TUBD1: variants seen among roughly 807,000 people sequenced by gnomAD.
The protein encoded by TUBD1 is tubulin delta chain.
A neutral mutation model predicts 51.2 loss-of-function variants in TUBD1; 38 were observed. The observed-to-expected ratio is 0.74, with a 90% CI of 0.57 to 0.97. The LOEUF (loss-of-function observed/expected upper bound fraction) is 0.97, where lower values mean the gene tolerates loss of function less well. TUBD1 is among the 50% of genes least tolerant of loss of function. The pLI, the probability that TUBD1 is intolerant of heterozygous loss-of-function variation, is 0.00. For missense variants in TUBD1, 489 were observed against 538.4 expected, an observed-to-expected ratio of 0.91 and a Z score of 0.91; for synonymous variants, 169 against 178.2, an observed-to-expected ratio of 0.95 and a Z score of 0.41.
intron 6 of TUBD1, among the ~76,000 whole-genome samples, chr17:59,869,821 T>G (rs1049890735): frequency 1.3e-5 from 2 of 152,158 alleles, no homozygotes; most frequent in Non-Finnish European, 2.9e-5. Context: ...TATATGCTAT[T>G]AATACCTAGT....
rs543603991 is a variant in TUBD1, at chr17:59,875,685, G to A, written c.770-982C>T. ...TGAGGCGGGAGAATCGCTTGAACCC[G>A]GCAGACAGAGGTTGCAGTGCATCGC... is the stretch of plus-strand genomic sequence containing the variant. On this transcript the variant is annotated intron_variant, in intron 5 of 8. Transcript: ENST00000325752. Among the ~76,000 whole-genome samples, 8 of 151,654 alleles carry A rather than the reference G, an allele frequency of 5.3e-5. No homozygotes were observed. In the South Asian group the frequency reaches 6.3e-4, roughly 12 times the overall value.
At position 59,886,249 on chromosome 17, in the gene TUBD1, C is replaced by T; in HGVS notation, c.173-19G>A. On this transcript the variant is annotated intron_variant, in intron 2 of 8. Coordinates refer to ENST00000325752, the MANE Select transcript of TUBD1 (RefSeq NM_016261.4). Reference sequence around the variant, plus strand: ...ATTGGAACTAGAGGGGGAAAAAAACCCAAAAACATCGAAAGAAAAAAAGAT... The same window carrying T: ...ATTGGAACTAGAGGGGGAAAAAAACTCAAAAACATCGAAAGAAAAAAAGAT... The T allele has an allele frequency of 6.3e-7, 1 of 1,593,052 alleles. No homozygotes were observed. Among genetic ancestry groups the T allele is most frequent in the Non-Finnish European group, 8.5e-7 (1 of 1,171,864 alleles).
chr17:59,862,935 AG>A (rs1323011611), intron 8 of TUBD1, among the ~76,000 whole-genome samples: 8 of 152,036 alleles, frequency 5.3e-5, no homozygotes, highest in South Asian at 4.2e-4. Context: ...CGTGTTAGCC[AG>A]GATGGTCTTG....
chr17:59,891,483 A>T (rs754238774), intron 1 of TUBD1, among the ~76,000 whole-genome samples: 2 of 152,164 alleles, frequency 1.3e-5, no homozygotes, highest in African/African-American at 2.4e-5. Context: ...TTGGAGATAG[A>T]ACAGCTGTGT....
At chr17:59,884,136 C>T (rs1365613415) in intron 3 of TUBD1, among the ~76,000 whole-genome samples, 3 of 151,874 alleles carry the variant, frequency 2.0e-5, no homozygotes, top group Non-Finnish European at 2.9e-5. Context: ...TGGCATGTGC[C>T]TGTAGTCCTA....
In TUBD1 at chr17:59,860,357, A is replaced by G; in HGVS notation, c.1327T>C (p.Leu443=). ...CAGTAACTGGCAACAACCTGCTCTA[A>G]TGACGTGAAACTGTCTAAAAAGTCC... is the stretch of plus-strand genomic sequence containing the variant. The part of the protein sequence containing the change: ...EEDFLDSFTS[L]EQVVASYCNL Residue 443 remains leucine (L), a synonymous_variant, in exon 9 of 9, where the codon TTA becomes CTA. Coordinates refer to ENST00000325752, the MANE Select transcript of TUBD1 (RefSeq NM_016261.4). 6.2e-7 allele frequency: 1 copy of G among 1,613,366 alleles called. No individual in the cohort carries two copies. The highest frequency in any genetic ancestry group is 8.5e-7 in the Non-Finnish European group (1 of 1,179,622).
intron 7 of TUBD1, among the ~76,000 whole-genome samples, chr17:59,864,157 A>AT (rs1055683155): frequency 0.01 from 1,462 of 145,142 alleles, 23 homozygotes; most frequent in African/African-American, 0.03. Context: ...ATTATTACTA[A>AT]TTTTTTTTTT....
At chr17:59,891,365 G>A (rs2041016744) in intron 1 of TUBD1, among the ~76,000 whole-genome samples, 1 of 99,184 alleles carries the variant, frequency 1.0e-5, no homozygotes, top group East Asian at 2.9e-4. Flanking sequence ...TCTTGACCTC[G>A]TGATCCACCT....
In TUBD1 at chr17:59,874,611, T is replaced by C. The variant is rs1010893890; in HGVS notation, c.862A>G (p.Thr288Ala). 10 of 1,613,598 alleles carry C rather than the reference T, an allele frequency of 6.2e-6. No individual in the cohort carries two copies. The highest frequency in any genetic ancestry group is 1.7e-5 in the Admixed American group (1 of 59,890). ...AGGAGGCCAGCCCAAGTAAATGTGG[T>C]GTATGCCAATGAATTCTCAGACATG... The part of the protein sequence containing the change: ...PHMSENSLAY[T>A]TFTWAGLLKH... The change falls in exon 6 of 9, where the codon ACC (threonine) becomes GCC (alanine). Residue 288 changes from threonine to alanine, a missense_variant. Thr to Ala is a moderately conservative substitution (Grantham distance 58). Coordinates refer to ENST00000325752, the MANE Select transcript of TUBD1 (RefSeq NM_016261.4).
chr17:59,874,567 C>T lies in TUBD1; in HGVS notation c.906G>A (p.Met302Ile), dbSNP rs140625497. Residue 302 changes from methionine (M) to isoleucine (I), a missense_variant, in exon 6 of 9, where the codon ATG becomes ATA. Coordinates refer to ENST00000325752, the MANE Select transcript of TUBD1 (RefSeq NM_016261.4). ...WAGLLKHLRQMLISNAKMEEG... is the reference protein window; with the variant it reads ...WAGLLKHLRQILISNAKMEEG... ...CTTCCATCTTTGCATTAGAAATGAG[C>T]ATCTGTCTCAAATGCTTGAGGAGGC... The T allele has an allele frequency of 8.1e-6, 13 of 1,611,780 alleles. No homozygotes were observed. In the African/African-American group the frequency reaches 1.1e-4, roughly 13 times the overall value.
chr17:59,877,981 A>G (rs1177677323), intron 5 of TUBD1, 122 bp downstream of exon 5: 2 of 752,688 alleles, frequency 2.7e-6, no homozygotes, highest in African/African-American at 3.5e-5. Flanking sequence ...ATGTGAAGAA[A>G]GGGTTTTGAG....
intron 4 of TUBD1, among the ~76,000 whole-genome samples, chr17:59,880,028 C>T (rs2040410615): frequency 6.6e-6 from 1 of 152,026 alleles, no homozygotes; most frequent in Non-Finnish European, 1.5e-5. Context: ...GCTGGGATTA[C>T]AGGTGTGAGC....
At chr17:59,891,216 C>T (rs774278538) in intron 1 of TUBD1, among the ~76,000 whole-genome samples, 175 bp from the exon 2 acceptor site, 10 of 152,098 alleles carry the variant, frequency 6.6e-5, no homozygotes, top group African/African-American at 1.4e-4. Flanking sequence ...ATGCAACCTC[C>T]GCCTCCCAGG....
chr17:59,880,805 C>T (rs2040450819), intron 4 of TUBD1, 89 bp downstream of exon 4: 1 of 1,291,566 alleles, frequency 7.7e-7, no homozygotes, highest in African/African-American at 1.5e-5. Flanking sequence ...TAAGCCACCG[C>T]ACCTGGGTGG....
intron 7 of TUBD1, 76 bp from the exon 8 acceptor site, chr17:59,863,923 C>A: frequency 1.7e-6 from 2 of 1,210,616 alleles, no homozygotes; most frequent in Non-Finnish European, 2.2e-6. Context: ...CAGATATTTT[C>A]TTGTCTATTT....
intron 8 of TUBD1, among the ~76,000 whole-genome samples, chr17:59,862,963 TG>T (rs2039531095): frequency 6.6e-6 from 1 of 151,956 alleles, no homozygotes; most frequent in African/African-American, 2.4e-5. Context: ...TGACCTCAGC[TG>T]ATCTGCTCGC....
chr17:59,880,817 G>C, intron 4 of TUBD1, 77 bp downstream of exon 4: 1 of 1,405,360 alleles, frequency 7.1e-7, no homozygotes, highest in Non-Finnish European at 1.0e-6. Context: ...CCTGGGTGGT[G>C]AGAGCAATCT....
chr17:59,862,786 G>A (rs930202415), intron 8 of TUBD1, among the ~76,000 whole-genome samples: 6 of 140,606 alleles, frequency 4.3e-5, no homozygotes, highest in African/African-American at 1.3e-4. Flanking sequence ...GTGCAGTGGC[G>A]CGATCTCGGC....
chr17:59,879,394 G>A (rs771892956), intron 4 of TUBD1, among the ~76,000 whole-genome samples: 1 of 152,114 alleles, frequency 6.6e-6, no homozygotes, highest in Non-Finnish European at 1.5e-5. Flanking sequence ...ACTGGAGTGA[G>A]AGACATTCTC....
Sources: gnomAD v4.1 joint callset for allele counts (sites outside exome capture counted in the v4.1 genomes callset) on GRCh38, gnomAD v4.1.1 for gene constraint, MANE v1.5 for transcripts, NCBI Gene and HGNC (gene_info 2026-07-23, HGNC 2026-07-21) for gene names.